The following LY96 variants were observed in gnomAD, a reference collection of about 807,000 sequenced individuals.
The protein encoded by LY96 is myeloid differentiation protein-2.
A neutral mutation model predicts 18.9 loss-of-function variants in LY96; 18 were observed. The observed-to-expected ratio is 0.95, with a 90% CI of 0.66 to 1.41. The LOEUF is 1.41. LY96 is among the 40% of genes most tolerant of loss of function. The pLI is 0.00. For missense variants in LY96, 175 were observed against 182.4 expected (o/e 0.96, Z 0.23); for synonymous variants, 66 against 62.6 (o/e 1.06, Z -0.26).
the LY96 span, among the ~76,000 whole-genome samples, chr8:74,065,975 C>T: frequency 2.0e-5 from 3 of 152,204 alleles, no homozygotes; most frequent in African/African-American, 7.2e-5. Context: ...ACTATCTGGA[C>T]ATTCTATGTC....
At chr8:74,058,940 C>T in the LY96 span, among the ~76,000 whole-genome samples, 5 of 152,128 alleles carry the variant, frequency 3.3e-5, no homozygotes, top group African/African-American at 1.2e-4. Context: ...GGCCTGAGAA[C>T]CAGGAGTGCC....
At chr8:74,098,146 A>G in the LY96 span, among the ~76,000 whole-genome samples, 23 of 152,296 alleles carry the variant, frequency 1.5e-4, no homozygotes, top group African/African-American at 5.1e-4. Flanking sequence ...AGAGTCAGAA[A>G]TGAGTAATTT....
chr8:74,048,691 A>G, the LY96 span: 1 of 152,364 alleles, frequency 6.6e-6, no homozygotes, highest in Admixed American at 6.5e-5. Flanking sequence ...TCGCTTCAGT[A>G]GCACATATGC....
intron 1 of LY96, among the ~76,000 whole-genome samples, chr8:73,996,372 C>CCTTTCTTTCCTTCTTT (rs1816136074): frequency 1.8e-5 from 2 of 111,006 alleles, no homozygotes; most frequent in South Asian, 6.2e-4. Flanking sequence ...TTCCTTCATT[C>CCTTTCTTTCCTTCTTT]CTTTCTTTCT....
At chr8:74,051,315 C>A in the LY96 span, among the ~76,000 whole-genome samples, 3 of 152,076 alleles carry the variant, frequency 2.0e-5, no homozygotes, top group Non-Finnish European at 4.4e-5. Context: ...GTGCAGATAA[C>A]CAAGGATTAG....
chr8:74,086,495 T>G, the LY96 span, among the ~76,000 whole-genome samples: 1 of 152,236 alleles, frequency 6.6e-6, no homozygotes, highest in African/African-American at 2.4e-5. Flanking sequence ...CCATGGCTGT[T>G]ATAACAGGCT....
chr8:74,095,036 G>C, the LY96 span, among the ~76,000 whole-genome samples: 1 of 152,210 alleles, frequency 6.6e-6, no homozygotes, highest in Non-Finnish European at 1.5e-5. Flanking sequence ...AGAAAGGACA[G>C]TGAATTTCCC....
rs1410767501 is a variant in LY96, at chr8:74,002,002, C to CCTTT, written c.113-2790_113-2787dup. Among the ~76,000 whole-genome samples the CCTTT allele has an allele frequency of 7.1e-4, 26 of 36,470 alleles. 6 individuals are homozygous for CCTTT. The highest frequency in any genetic ancestry group is 8.1e-4 in the Non-Finnish European group (17 of 20,860). 23.9% of individuals were successfully genotyped at this position (36,470 alleles called of 152,430 possible). On this transcript the variant is annotated intron_variant, in intron 1 of 4. Coordinates refer to ENST00000284818, the MANE Select transcript of LY96 (RefSeq NM_015364.5). ...TCCCTCCCTCCCTCCCTCCTTTCTTCCTTTCTTCCTTCCTTCCTTCCTTCC... is the reference window on the plus strand; with the variant it reads ...TCCCTCCCTCCCTCCCTCCTTTCTTCCTTTCTTTCTTCCTTCCTTCCTTCCTTCC...
At chr8:74,088,152 A>ATGG in the LY96 span, among the ~76,000 whole-genome samples, 1 of 151,252 alleles carries the variant, frequency 6.6e-6, no homozygotes, top group African/African-American at 2.5e-5. Flanking sequence ...ATAGAATAGA[A>ATGG]AAGAATAGAA....
the LY96 span, among the ~76,000 whole-genome samples, chr8:74,066,746 G>A: frequency 5.3e-5 from 8 of 152,278 alleles, no homozygotes; most frequent in African/African-American, 1.7e-4. Flanking sequence ...GCAAGAGACT[G>A]GAGGCAGGTG....
chr8:74,092,455 A>C, the LY96 span, among the ~76,000 whole-genome samples: 1 of 152,166 alleles, frequency 6.6e-6, no homozygotes, highest in Non-Finnish European at 1.5e-5. Context: ...CTTCTATACA[A>C]GTTGCCATAA....
chr8:73,998,110 A>G (rs893467362), intron 1 of LY96, among the ~76,000 whole-genome samples: 2 of 152,182 alleles, frequency 1.3e-5, no homozygotes, highest in African/African-American at 4.8e-5. Flanking sequence ...GCCCTTATCC[A>G]GGAACCCACC....
At chr8:74,022,827 C>T (rs1816796869) in intron 3 of LY96, among the ~76,000 whole-genome samples, 1 of 152,124 alleles carries the variant, frequency 6.6e-6, no homozygotes, top group Non-Finnish European at 1.5e-5. Flanking sequence ...GATCAGCCCA[C>T]CTCGGCCTCC....
chr8:74,039,621 G>A, the LY96 span, among the ~76,000 whole-genome samples: 4 of 152,180 alleles, frequency 2.6e-5, no homozygotes, highest in Non-Finnish European at 5.9e-5. Context: ...ATAAGGTGAA[G>A]CAAGTCATGT....
At chr8:74,014,689 A>G (rs1816605290) in intron 3 of LY96, among the ~76,000 whole-genome samples, 1 of 152,014 alleles carries the variant, frequency 6.6e-6, no homozygotes, top group Non-Finnish European at 1.5e-5. Flanking sequence ...AGTACCATAC[A>G]TATCTATGTT....
At chr8:74,081,215 CCTTTCTCT>C in the LY96 span, among the ~76,000 whole-genome samples, 8 of 142,030 alleles carry the variant, frequency 5.6e-5, no homozygotes, top group East Asian at 8.2e-4. Flanking sequence ...TTCCTTCCTT[CCTTTCTCT>C]CTTTCTCTCT....
the LY96 span, among the ~76,000 whole-genome samples, chr8:74,081,171 TTC>T: frequency 6.7e-6 from 1 of 148,274 alleles, no homozygotes; most frequent in Non-Finnish European, 1.5e-5. Flanking sequence ...CTTTCCTTCT[TTC>T]TTTCTTTTCC....
At chr8:74,084,316 T>C in the LY96 span, among the ~76,000 whole-genome samples, 1 of 152,184 alleles carries the variant, frequency 6.6e-6, no homozygotes, top group Non-Finnish European at 1.5e-5. Context: ...ACTCAGTCCC[T>C]TAGCTCATTA....
the LY96 span, among the ~76,000 whole-genome samples, chr8:74,042,117 T>C: frequency 9.0e-4 from 137 of 152,298 alleles, 1 homozygote; most frequent in African/African-American, 3.2e-3. Context: ...CACTGAAATA[T>C]TGGGGGCAGG....
Sources: allele counts gnomAD v4.1 joint callset (sites outside exome capture counted in the v4.1 genomes callset), GRCh38; gene constraint gnomAD v4.1.1; transcripts MANE v1.5; gene names NCBI Gene and HGNC (gene_info 2026-07-23, HGNC 2026-07-21).